Variants in CBFA2T2 observed in about 807,000 individuals in gnomAD.
CBFA2T2 encodes CBFA2/RUNX1 partner transcriptional co-repressor 2.
CBFA2T2 carries 11 observed loss-of-function variants against 62.2 expected under a neutral mutation model. The ratio of observed to expected loss-of-function variants is 0.18; its 90% confidence interval spans 0.11 to 0.29. CBFA2T2 has a LOEUF of 0.29. CBFA2T2 is among the 10% of genes least tolerant of loss of function. The pLI, the probability that CBFA2T2 is intolerant of heterozygous loss-of-function variation, is 1.00. For synonymous variants in CBFA2T2, 295 were observed against 287.5 expected, an observed-to-expected ratio of 1.03 and a Z score of -0.27; for missense variants, 592 against 774.1, an observed-to-expected ratio of 0.76 and a Z score of 2.79.
chr20:33,506,508 A>G (rs1203495295), intron 1 of CBFA2T2, among the ~76,000 whole-genome samples: 1 of 152,194 alleles, frequency 6.6e-6, no homozygotes, highest in African/African-American at 2.4e-5. Context: ...GGATTGCGCT[A>G]AGTGCCATAG....
chr20:33,529,369 T>C (rs1023488908), intron 1 of CBFA2T2, among the ~76,000 whole-genome samples: 30 of 152,212 alleles, frequency 2.0e-4, no homozygotes, highest in Admixed American at 1.2e-3. Flanking sequence ...AGATTCATGT[T>C]CTCCTTTGGT....
At chr20:33,497,046 G>A (rs753581648) in intron 1 of CBFA2T2, among the ~76,000 whole-genome samples, 19 of 152,172 alleles carry the variant, frequency 1.2e-4, no homozygotes, top group Non-Finnish European at 1.9e-4. Flanking sequence ...GGCTGAGGCC[G>A]GCAGATCACC....
At chr20:33,543,963 C>G (rs1023230778) in intron 1 of CBFA2T2, among the ~76,000 whole-genome samples, 1 of 152,016 alleles carries the variant, frequency 6.6e-6, no homozygotes. Context: ...TTACCTTTAC[C>G]CCTTCCATTC....
intron 1 of CBFA2T2, among the ~76,000 whole-genome samples, chr20:33,502,686 A>C (rs541836171): frequency 6.8e-6 from 1 of 147,598 alleles, no homozygotes; most frequent in Non-Finnish European, 1.5e-5. Context: ...TACAGGCGTG[A>C]GCCACCGTGC....
chr20:33,560,006 G>A (rs112420775), intron 1 of CBFA2T2, among the ~76,000 whole-genome samples: 12 of 152,242 alleles, frequency 7.9e-5, no homozygotes, highest in African/African-American at 2.6e-4. Context: ...TGCTATTTAG[G>A]ATCCATAATC....
At chr20:33,534,443 G>A (rs1175139045) in intron 1 of CBFA2T2, among the ~76,000 whole-genome samples, 1 of 152,114 alleles carries the variant, frequency 6.6e-6, no homozygotes, top group African/African-American at 2.4e-5. Flanking sequence ...TTCCTGAGTA[G>A]CTGGGACTAC....
In CBFA2T2 at chr20:33,630,250, G is replaced by A. The variant is rs560364697; in HGVS notation, c.1228+336G>A. Among the ~76,000 whole-genome samples the A allele has an allele frequency of 4.0e-4, 61 of 152,216 alleles. No individual in the cohort carries two copies. The Middle Eastern group carries it at 0.01, about 25-fold the overall frequency. On this transcript the variant is annotated intron_variant, in intron 8 of 10. Coordinates refer to ENST00000342704, the MANE Select transcript of CBFA2T2 (RefSeq NM_001032999.3). ...GGCCTGAGCCACTGTGCCCAGCCTC[G>A]TACTTGGCGTGTTCAAAAAATGTTA...
chr20:33,580,996 GCCCTCCCTTC>G (rs948918221), intron 1 of CBFA2T2, among the ~76,000 whole-genome samples: 13 of 152,076 alleles, frequency 8.5e-5, no homozygotes, highest in African/African-American at 2.4e-4. Context: ...ATATATGTCT[GCCCTCCCTTC>G]CCCTCCCTTG....
chr20:33,504,403 C>CTTTTT (rs533648842), intron 1 of CBFA2T2, among the ~76,000 whole-genome samples: 4 of 117,550 alleles, frequency 3.4e-5, no homozygotes, highest in African/African-American at 1.3e-4. Context: ...TCATATTTAA[C>CTTTTT]TTTTTTTTTT....
chr20:33,565,299 A>G (rs547189186), intron 1 of CBFA2T2, among the ~76,000 whole-genome samples: 2 of 152,340 alleles, frequency 1.3e-5, no homozygotes, highest in African/African-American at 2.4e-5. Context: ...TGCATTGTTC[A>G]ACAAGCATCT....
At chr20:33,611,052 T>C (rs369326785) in intron 2 of CBFA2T2, 42 bp from the exon 3 acceptor site, 40 of 1,605,968 alleles carry the variant, frequency 2.5e-5, no homozygotes, top group Non-Finnish European at 3.3e-5. Context: ...GGTTCCCTTG[T>C]TTTACACGTA....
At chr20:33,599,277 T>C in intron 1 of CBFA2T2, among the ~76,000 whole-genome samples, 1 of 151,740 alleles carries the variant, frequency 6.6e-6, no homozygotes. Context: ...AAAAAAAACC[T>C]GTGGCCCACT....
intron 1 of CBFA2T2, among the ~76,000 whole-genome samples, chr20:33,498,840 C>T (rs1032852983): frequency 2.4e-4 from 37 of 151,760 alleles, no homozygotes; most frequent in Non-Finnish European, 3.5e-4. Context: ...GTCAGGAGTT[C>T]GAGACCAGCC....
At chr20:33,620,879 G>T (rs1047599311) in intron 4 of CBFA2T2, among the ~76,000 whole-genome samples, 3 of 152,118 alleles carry the variant, frequency 2.0e-5, no homozygotes, top group Non-Finnish European at 4.4e-5. Flanking sequence ...TTAAATACAG[G>T]TATCAAATCA....
At chr20:33,597,179 C>T (rs2014929948) in intron 1 of CBFA2T2, among the ~76,000 whole-genome samples, 1 of 152,016 alleles carries the variant, frequency 6.6e-6, no homozygotes, top group South Asian at 2.1e-4. Flanking sequence ...CATCCTCCCA[C>T]CCTCAGCCTC....
rs2016376560 is a variant in CBFA2T2, at chr20:33,629,626, AC to A, written c.1033-91del. On this transcript the variant is annotated intron_variant, in intron 7 of 10. Coordinates refer to ENST00000342704, the MANE Select transcript of CBFA2T2 (RefSeq NM_001032999.3). ...TATTCCTAAATCTGTACTTTAAGGAACCTGAATTCCTCATATTGCGTTGGCC... is the reference window on the plus strand; with the variant it reads ...TATTCCTAAATCTGTACTTTAAGGAACTGAATTCCTCATATTGCGTTGGCC... 5 of 1,127,504 alleles carry A rather than the reference AC, an allele frequency of 4.4e-6. No homozygotes were observed. The African/African-American group carries it at 7.8e-5, about 18-fold the overall frequency. 69.8% of individuals were successfully genotyped at this position (1,127,504 alleles called of 1,614,324 possible).
intron 1 of CBFA2T2, among the ~76,000 whole-genome samples, chr20:33,496,738 C>T (rs946960839): frequency 6.6e-5 from 10 of 152,140 alleles, no homozygotes; most frequent in Admixed American, 6.6e-5. Context: ...CAGAAGAGAT[C>T]GGAAAGTGCA....
At position 33,496,200 on chromosome 20, in the gene CBFA2T2, T is replaced by TC. The variant is rs1380021131; in HGVS notation, c.34+5900dup. Among the ~76,000 whole-genome samples, 4 of 152,166 alleles carry TC rather than the reference T, an allele frequency of 2.6e-5. No homozygotes were observed. The East Asian group carries it at 7.7e-4, about 29-fold the overall frequency. ...TTTCCCAGGAGAAGGAAGGGTGAAG[T>TC]CTACTGGCTGAAGGTAGTTGAGGGC... On this transcript the variant is annotated intron_variant, in intron 1 of 10. Transcript: ENST00000342704.
At chr20:33,553,285 T>G (rs556931692) in intron 1 of CBFA2T2, among the ~76,000 whole-genome samples, 28 of 152,174 alleles carry the variant, frequency 1.8e-4, no homozygotes, top group Non-Finnish European at 3.4e-4. Context: ...AGTGCAATGG[T>G]GCACAGTCTT....
Sources: gnomAD v4.1 joint callset for allele counts (sites outside exome capture counted in the v4.1 genomes callset) on GRCh38, gnomAD v4.1.1 for gene constraint, MANE v1.5 for transcripts, NCBI Gene and HGNC (gene_info 2026-07-23, HGNC 2026-07-21) for gene names.